Variants in SAE1 observed in about 807,000 individuals in gnomAD.
The protein encoded by SAE1 is SUMO1 activating enzyme subunit 1.
In SAE1, 11 loss-of-function variants were observed where a neutral mutation model predicts 40.6. The ratio of observed to expected loss-of-function variants is 0.27; its 90% CI spans 0.17 to 0.45. The LOEUF is 0.45. Among genes scored for constraint, SAE1 ranks in the 20% least tolerant of loss-of-function variants. SAE1 has a pLI of 1.00. For synonymous variants in SAE1, 155 were observed against 154.3 expected (o/e 1.00, Z -0.03); for missense variants, 373 against 427.3 (o/e 0.87, Z 1.12).
intron 1 of SAE1, among the ~76,000 whole-genome samples, chr19:47,139,362 G>A (rs1190431623): frequency 6.6e-6 from 1 of 151,400 alleles, no homozygotes; most frequent in Non-Finnish European, 1.5e-5. Flanking sequence ...ATTTTTTTTT[G>A]TTTTGTACAG....
intron 4 of SAE1, among the ~76,000 whole-genome samples, chr19:47,153,371 A>G (rs1021134936): frequency 1.3e-5 from 2 of 152,222 alleles, no homozygotes; most frequent in African/African-American, 4.8e-5. Flanking sequence ...CTCTGGTAGA[A>G]CAAACAGACC....
At chr19:47,179,165 A>G (rs779622165) in intron 6 of SAE1, among the ~76,000 whole-genome samples, 1 of 144,120 alleles carries the variant, frequency 6.9e-6, no homozygotes, top group Non-Finnish European at 1.5e-5. Context: ...GCACTCCAGC[A>G]TGGGCGACAG....
At chr19:47,206,444 G>T (rs1351401114) in intron 8 of SAE1, among the ~76,000 whole-genome samples, 2 of 152,226 alleles carry the variant, frequency 1.3e-5, no homozygotes, top group African/African-American at 4.8e-5. Flanking sequence ...TACACTAGGA[G>T]ATGGGTCAAG....
intron 6 of SAE1, among the ~76,000 whole-genome samples, chr19:47,176,506 CT>C (rs2058469541): frequency 6.6e-6 from 1 of 152,152 alleles, no homozygotes; most frequent in African/African-American, 2.4e-5. Flanking sequence ...GTGGTTTTTG[CT>C]TGTCTGGTCA....
At position 47,150,330 on chromosome 19, in the gene SAE1, G is replaced by C. The variant is rs779229469; in HGVS notation, c.339G>C (p.Glu113Asp). 6.7e-5 allele frequency: 108 copies of C among 1,611,216 alleles called. No homozygotes were observed. The highest frequency in any genetic ancestry group is 8.6e-5 in the Non-Finnish European group (101 of 1,179,090). The stretch of plus-strand genomic sequence containing the variant: ...TGGTGGATGTGAAGGTGGACACTGA[G>C]GATATAGAGAAGAAACCAGAGTCAT... ...NPMVDVKVDTEDIEKKPESFF... is the reference protein window; with the variant it reads ...NPMVDVKVDTDDIEKKPESFF... The change falls in exon 3 of 9, where the codon GAG (glutamate) becomes GAC (aspartate). Residue 113 changes from glutamate to aspartate, a missense_variant. Transcript: ENST00000270225.
At chr19:47,209,103 C>T in intron 8 of SAE1, 56 bp from the exon 9 acceptor site, 23 of 1,532,788 alleles carry the variant, frequency 1.5e-5, no homozygotes, top group Middle Eastern at 3.5e-4. Flanking sequence ...ATTTTTTTTT[C>T]CCTCTATTCC....
chr19:47,203,787 T>C, intron 8 of SAE1, 47 bp downstream of exon 8: 1 of 1,501,248 alleles, frequency 6.7e-7, no homozygotes, highest in African/African-American at 1.4e-5. Context: ...TGACTTTGTA[T>C]ATGTGCTGAC....
At chr19:47,172,547 T>C (rs1392899531) in intron 6 of SAE1, among the ~76,000 whole-genome samples, 2 of 151,818 alleles carry the variant, frequency 1.3e-5, no homozygotes, top group African/African-American at 4.8e-5. Flanking sequence ...CTACTAAAAA[T>C]ACAAAAATTA....
intron 6 of SAE1, among the ~76,000 whole-genome samples, chr19:47,172,921 G>T (rs531228250): frequency 6.6e-6 from 1 of 152,276 alleles, no homozygotes; most frequent in South Asian, 2.1e-4. Flanking sequence ...CTACAGAGGG[G>T]AATCTGAGGC....
At chr19:47,194,171 C>A (rs956700589) in intron 6 of SAE1, among the ~76,000 whole-genome samples, 5 of 152,230 alleles carry the variant, frequency 3.3e-5, no homozygotes, top group African/African-American at 1.2e-4. Context: ...TTCACTCACT[C>A]GCCATTGGAC....
intron 2 of SAE1, among the ~76,000 whole-genome samples, chr19:47,146,881 G>C (rs933688601): frequency 6.6e-6 from 1 of 152,138 alleles, no homozygotes; most frequent in Non-Finnish European, 1.5e-5. Context: ...AGACATGTAG[G>C]GTTTATGGAT....
intron 6 of SAE1, among the ~76,000 whole-genome samples, chr19:47,173,777 CTTTCT>C (rs1443825011): frequency 5.3e-5 from 8 of 150,998 alleles, no homozygotes; most frequent in African/African-American, 2.0e-4. Flanking sequence ...CCTTTCTTTT[CTTTCT>C]TTTCTTTTTT....
chr19:47,209,083 T>C (rs550988098), intron 8 of SAE1, 76 bp from the exon 9 acceptor site: 6 of 1,482,370 alleles, frequency 4.0e-6, no homozygotes, highest in Non-Finnish European at 5.6e-6. Context: ...TGCCCTAGAC[T>C]GCTTTTAGAA....
At chr19:47,165,158 C>T (rs1167956075) in intron 5 of SAE1, among the ~76,000 whole-genome samples, 6 of 133,650 alleles carry the variant, frequency 4.5e-5, no homozygotes, top group African/African-American at 1.1e-4. Context: ...ATTGTGATCT[C>T]GGCTCACTGC....
At chr19:47,178,242 C>CA (rs748570539) in intron 6 of SAE1, among the ~76,000 whole-genome samples, 115 of 139,230 alleles carry the variant, frequency 8.3e-4, no homozygotes, top group Middle Eastern at 3.6e-3. Context: ...ACTCCATCTC[C>CA]AAAAAAAAAA....
At position 47,209,374 on chromosome 19, in the gene SAE1, A is replaced by G; in HGVS notation, c.*123A>G. 1.3e-6 allele frequency: 2 copies of G among 1,531,876 alleles called. No homozygotes were observed. Among genetic ancestry groups the G allele is most frequent in the South Asian group, 2.4e-5 (2 of 84,482 alleles). The allele number at this position is 1,531,876 out of a possible 1,614,324, so 94.9% of individuals were successfully genotyped here. A position where few individuals can be genotyped will look rare whatever the true frequency, so the allele number is the denominator to read the frequency against. On this transcript the variant is annotated 3_prime_UTR_variant, in exon 9 of 9. Transcript: ENST00000270225. ...TGAAGTCATTGGCCCGATACAAAAC[A>G]TTTCCTGCAACGAAGGAGGTGGTGC... is the stretch of plus-strand genomic sequence containing the variant.
chr19:47,181,039 C>A (rs1174374920), intron 6 of SAE1, among the ~76,000 whole-genome samples: 2 of 151,950 alleles, frequency 1.3e-5, no homozygotes, highest in Non-Finnish European at 2.9e-5. Context: ...AAAGAGGCCC[C>A]GGCGTGGTGG....
chr19:47,199,339 C>G (rs1186911907), intron 7 of SAE1, among the ~76,000 whole-genome samples: 1 of 141,706 alleles, frequency 7.1e-6, no homozygotes, highest in Non-Finnish European at 1.5e-5. Flanking sequence ...GAGCTGAGAT[C>G]ACGCCACTGC....
At position 47,203,715 on chromosome 19, in the gene SAE1, G is replaced by GGAAA; in HGVS notation, c.925_926insAAGA (p.Ile309LysfsTer65). 6.2e-7 allele frequency: 1 copy of GGAAA among 1,613,912 alleles called. No homozygotes were observed. The highest frequency in any genetic ancestry group is 8.5e-7 in the Non-Finnish European group (1 of 1,179,936). On this transcript the variant is annotated frameshift_variant, in exon 8 of 9. Transcript: ENST00000270225. LOFTEE classifies it high-confidence loss of function. The stretch of plus-strand genomic sequence containing the variant: ...GCCCCAGTGTGTGCGGTGGTTGGAG[G>GGAAA]GATTTTGGCACAGGAAATTGTGAAG...
Sources: gnomAD v4.1 joint callset for allele counts (sites outside exome capture counted in the v4.1 genomes callset) on GRCh38, gnomAD v4.1.1 for gene constraint, MANE v1.5 for transcripts, NCBI Gene and HGNC (gene_info 2026-07-23, HGNC 2026-07-21) for gene names.